Variants in DMXL2 observed in about 807,000 individuals in gnomAD.
DMXL2 encodes dmX-like protein 2.
A neutral mutation model predicts 331.1 loss-of-function variants in DMXL2; 103 were observed. The ratio of observed to expected loss-of-function variants is 0.31; its 90% CI spans 0.27 to 0.37. The LOEUF (loss-of-function observed/expected upper bound fraction) is 0.37. DMXL2 is among the 10% of genes least tolerant of loss of function. The pLI is 1.00. For synonymous variants in DMXL2, 1,281 were observed against 1,252.1 expected (o/e 1.02, Z -0.49); for missense variants, 3,171 against 3,642.9 (o/e 0.87, Z 3.33).
At chr15:51,510,877 G>A (rs1022248808) in intron 15 of DMXL2, among the ~76,000 whole-genome samples, 2 of 152,124 alleles carry the variant, frequency 1.3e-5, no homozygotes, top group Non-Finnish European at 2.9e-5. Context: ...AGAGTCCTCA[G>A]AAATAACACC....
chr15:51,561,766 G>C (rs1265501403), intron 6 of DMXL2, among the ~76,000 whole-genome samples: 3 of 152,158 alleles, frequency 2.0e-5, no homozygotes, highest in Non-Finnish European at 4.4e-5. Context: ...CAATAGCCTA[G>C]ATATAGAATC....
chr15:51,621,383 G>A (rs1956746645), intron 1 of DMXL2, among the ~76,000 whole-genome samples: 1 of 152,236 alleles, frequency 6.6e-6, no homozygotes, highest in Non-Finnish European at 1.5e-5. Context: ...TTGGAAAGCA[G>A]ACATCAAAGG....
chr15:51,615,784 G>C (rs1276350879), intron 1 of DMXL2, among the ~76,000 whole-genome samples: 1 of 152,158 alleles, frequency 6.6e-6, no homozygotes, highest in African/African-American at 2.4e-5. Context: ...ATATGAAGAA[G>C]TTGCTAGCAC....
At chr15:51,575,161 T>G (rs80134394) in intron 2 of DMXL2, among the ~76,000 whole-genome samples, 1,666 of 152,200 alleles carry the variant, frequency 0.011, 15 homozygotes, top group Admixed American at 0.021. Flanking sequence ...ACACAAATAT[T>G]AAGGCTTGAT....
intron 36 of DMXL2, 153 bp from the exon 37 acceptor site, chr15:51,457,619 G>A (rs866204947): frequency 1.3e-5 from 10 of 770,618 alleles, no homozygotes; most frequent in South Asian, 2.2e-5. Context: ...AATCGCCAAT[G>A]TTAATACTGG....
chr15:51,486,716 C>T (rs1010109213), intron 22 of DMXL2, among the ~76,000 whole-genome samples: 3 of 152,088 alleles, frequency 2.0e-5, no homozygotes, highest in African/African-American at 7.2e-5. Flanking sequence ...TTACTATCTG[C>T]CTCATATTTA....
intron 18 of DMXL2, among the ~76,000 whole-genome samples, chr15:51,497,997 C>T (rs1160130378): frequency 1.3e-5 from 2 of 152,130 alleles, no homozygotes; most frequent in South Asian, 2.1e-4. Context: ...CTGTGGGAGG[C>T]CAAGGCAGGA....
At position 51,605,517 on chromosome 15, in the gene DMXL2, C is replaced by CCTTT. The variant is rs2053522706; in HGVS notation, c.87+16941_87+16942insAAAG. ...GGCCCAGCCCATACAGATTAATATT[C>CCTTT]TTTTTTTTTTTTTTTTTTTTTTTTT... On this transcript the variant is annotated intron_variant, in intron 1 of 43. Transcript: ENST00000560891. Among the ~76,000 whole-genome samples the CCTTT allele has an allele frequency of 1.4e-4, 3 of 22,190 alleles. 1 individual carries two copies. The Admixed American group carries it at 2.1e-3, about 16-fold the overall frequency. The allele number at this position is 22,190 out of a possible 152,430, so 14.6% of individuals were successfully genotyped here. A position where few individuals can be genotyped will look rare whatever the true frequency, so the allele number is the denominator to read the frequency against.
In DMXL2 at chr15:51,516,956, ATAAGTT is replaced by A. The variant is rs2047069609; in HGVS notation, c.2526+116_2526+121del. ...GTAGATTTTCACTATGGGAATCAAC[ATAAGTT>A]GTCTGCATTTAATAACAAACAAGAA... On this transcript the variant is annotated intron_variant, in intron 14 of 43. Transcript: ENST00000560891. The A allele has an allele frequency of 9.0e-6, 7 of 779,166 alleles. No individual in the cohort carries two copies. The South Asian group carries it at 1.2e-4, about 14-fold the overall frequency. The allele number at this position is 779,166 out of a possible 1,614,324, so 48.3% of individuals were successfully genotyped here. A position where few individuals can be genotyped will look rare whatever the true frequency, so the allele number is the denominator to read the frequency against.
At chr15:51,529,389 C>T (rs1367713938) in intron 13 of DMXL2, among the ~76,000 whole-genome samples, 1 of 151,760 alleles carries the variant, frequency 6.6e-6, no homozygotes, top group East Asian at 1.9e-4. Flanking sequence ...AGAAAAGACC[C>T]AAATAAATAA....
At chr15:51,616,788 T>G (rs2054307640) in intron 1 of DMXL2, among the ~76,000 whole-genome samples, 3 of 151,856 alleles carry the variant, frequency 2.0e-5, no homozygotes, top group Non-Finnish European at 2.9e-5. Flanking sequence ...AATACAAAAA[T>G]TAGCCTGGCA....
intron 1 of DMXL2, among the ~76,000 whole-genome samples, chr15:51,608,946 G>A (rs1458633220): frequency 6.6e-6 from 1 of 152,140 alleles, no homozygotes; most frequent in Non-Finnish European, 1.5e-5. Flanking sequence ...CATTGACTCT[G>A]TAAAATAATA....
At chr15:51,521,199 C>G (rs943665943) in intron 13 of DMXL2, among the ~76,000 whole-genome samples, 6 of 152,210 alleles carry the variant, frequency 3.9e-5, no homozygotes, top group South Asian at 2.1e-4. Flanking sequence ...GTCTCTAGAG[C>G]TAGGCTGCTT....
At chr15:51,599,603 CAT>C (rs2053083135) in intron 1 of DMXL2, among the ~76,000 whole-genome samples, 1 of 152,194 alleles carries the variant, frequency 6.6e-6, no homozygotes, top group Admixed American at 6.5e-5. Context: ...TTCATATAAA[CAT>C]GTAATATATT....
In DMXL2 at chr15:51,480,705, A is replaced by G; in HGVS notation, c.6401T>C (p.Leu2134Ser). Residue 2134 changes from leucine (L) to serine (S), a missense_variant, in exon 24 of 44, where the codon TTG becomes TCG. Coordinates refer to ENST00000560891, the MANE Select transcript of DMXL2 (RefSeq NM_001378457.1). ...YERHQIERRR[L>S]QAKREHAERR... ...TTCTGCATGCTCTCGTTTGGCCTGC[A>G]ATCTTCTTCTTTCTATTTGATGGCG... The G allele has an allele frequency of 6.2e-7, 1 of 1,609,642 alleles. No homozygotes were observed. Among genetic ancestry groups the G allele is most frequent in the Non-Finnish European group, 8.5e-7 (1 of 1,177,482 alleles).
chr15:51,503,082 TAA>T (rs1481418032), intron 16 of DMXL2, 49 bp from the exon 17 acceptor site: 1 of 1,186,484 alleles, frequency 8.4e-7, no homozygotes, highest in Non-Finnish European at 1.2e-6. Context: ...ATCATTACTA[TAA>T]ATAGGAGCTA....
chr15:51,498,950 G>C lies in DMXL2; in HGVS notation c.4274C>G (p.Ser1425Cys). The C allele has an allele frequency of 2.5e-6, 4 of 1,614,092 alleles. No individual in the cohort carries two copies. The highest frequency in any genetic ancestry group is 3.4e-6 in the Non-Finnish European group (4 of 1,180,020). The change falls in exon 18 of 44, where the codon TCT becomes TGT. Residue 1425 changes from serine to cysteine, a missense_variant. Around this residue, in one of 7 missense-constraint regions of DMXL2, gnomAD observed 1,674 missense variants for 1,780.2 expected, o/e 0.94. Coordinates refer to ENST00000560891, the MANE Select transcript of DMXL2 (RefSeq NM_001378457.1). ...DGTRDYTEID[S>C]IPPLPLYALL... ...TGCATATAGTGGTAGTGGAGGGATAGAATCTATCTCAGTATAATCTCGAGT... is the reference window on the plus strand; with the variant it reads ...TGCATATAGTGGTAGTGGAGGGATACAATCTATCTCAGTATAATCTCGAGT...
intron 8 of DMXL2, among the ~76,000 whole-genome samples, chr15:51,545,005 G>C (rs2140930605): frequency 6.6e-6 from 1 of 152,026 alleles, no homozygotes; most frequent in Non-Finnish European, 1.5e-5. Context: ...TGTGCTATGT[G>C]TTATAACGTA....
intron 19 of DMXL2, among the ~76,000 whole-genome samples, chr15:51,494,029 G>A (rs1258969262): frequency 6.6e-6 from 1 of 152,140 alleles, no homozygotes; most frequent in Non-Finnish European, 1.5e-5. Flanking sequence ...TATCAAGACT[G>A]AAGAATTTTC....
Sources: allele counts gnomAD v4.1 joint callset (sites outside exome capture counted in the v4.1 genomes callset), GRCh38; gene constraint gnomAD v4.1.1; regional missense constraint gnomAD v4.1.1; transcripts MANE v1.5; gene names NCBI Gene and HGNC (gene_info 2026-07-23, HGNC 2026-07-21).